NRG1: variants seen among roughly 807,000 people sequenced by gnomAD.
The protein encoded by NRG1 is pro-neuregulin-1, membrane-bound isoform.
In NRG1, 18 loss-of-function variants were observed where a neutral mutation model predicts 63.8. The observed-to-expected ratio is 0.28, with a 90% CI of 0.19 to 0.42. The LOEUF (loss-of-function observed/expected upper bound fraction) is 0.42. NRG1 is among the 10% of genes least tolerant of loss of function. The probability of loss-of-function intolerance (pLI) is 1.00; values close to 1 mark genes in which losing one functional copy is unlikely to be tolerated. For missense variants in NRG1, 762 were observed against 814.7 expected, an observed-to-expected ratio of 0.94 and a Z score of 0.79; for synonymous variants, 302 against 301.3, an observed-to-expected ratio of 1.00 and a Z score of -0.02.
chr8:31,911,194 C>T (rs1179400846), intron 1 of NRG1, among the ~76,000 whole-genome samples: 1 of 152,068 alleles, frequency 6.6e-6, no homozygotes, highest in African/African-American at 2.4e-5. Flanking sequence ...CAAAGACCTA[C>T]AAACAGAAGT....
At chr8:32,197,609 C>T (rs533059627) in intron 1 of NRG1, among the ~76,000 whole-genome samples, 1 of 152,288 alleles carries the variant, frequency 6.6e-6, no homozygotes, top group African/African-American at 2.4e-5. Flanking sequence ...TCAGTTTTAA[C>T]CTTTCAGAAG....
intron 1 of NRG1, among the ~76,000 whole-genome samples, chr8:31,808,145 A>AT (rs956736833): frequency 2.6e-4 from 39 of 151,718 alleles, no homozygotes; most frequent in African/African-American, 8.5e-4. Context: ...CAATTTTATG[A>AT]TTTTTTTGCT....
At chr8:31,797,806 GAATA>G (rs554219262) in intron 1 of NRG1, among the ~76,000 whole-genome samples, 71 of 152,258 alleles carry the variant, frequency 4.7e-4, no homozygotes, top group Non-Finnish European at 9.1e-4. Context: ...AAGCATGAAT[GAATA>G]AAGAAAATGT....
At chr8:31,803,319 TG>T (rs1304902175) in intron 1 of NRG1, among the ~76,000 whole-genome samples, 1 of 152,176 alleles carries the variant, frequency 6.6e-6, no homozygotes, top group African/African-American at 2.4e-5. Context: ...AACTCTTGTT[TG>T]GGGCTGGGAA....
At position 32,157,639 on chromosome 8, in the gene NRG1, T is replaced by C. The variant is rs964780820; in HGVS notation, c.38-438189T>C. ...GTGCCATTGCATAATGGAGTGAAAC[T>C]CCATCTCAAAATATATATATTTTTA... On this transcript the variant is annotated intron_variant, in intron 1 of 10. Coordinates refer to the NRG1 transcript ENST00000519301. 6.0e-5 allele frequency among the ~76,000 whole-genome samples: 9 copies of C among 150,262 alleles called. No homozygotes were observed. In the East Asian group the frequency reaches 1.6e-3, roughly 26 times the overall value.
intron 1 of NRG1, among the ~76,000 whole-genome samples, chr8:31,658,390 AT>A (rs1212880113): frequency 6.6e-6 from 1 of 152,158 alleles, no homozygotes; most frequent in East Asian, 1.9e-4. Flanking sequence ...AATGAGAATG[AT>A]GTGTCTCTCT....
intron 1 of NRG1, among the ~76,000 whole-genome samples, chr8:31,730,318 C>A (rs1023376601): frequency 6.6e-6 from 1 of 152,056 alleles, no homozygotes; most frequent in Non-Finnish European, 1.5e-5. Context: ...TGCGTGTGGA[C>A]CCATATGCCT....
chr8:32,008,428 G>GA lies in NRG1; in HGVS notation c.37+369005dup, dbSNP rs1814153020. On this transcript the variant is annotated intron_variant, in intron 1 of 10. Transcript: ENST00000519301. ...AGCACTTCTTCTTTGCCACTGCTAG[G>GA]AAAAAAAATTGCTTTGCTTGGAAAT... Among the ~76,000 whole-genome samples, 4 of 151,738 alleles carry GA rather than the reference G, an allele frequency of 2.6e-5. No individual in the cohort carries two copies. The South Asian group carries it at 8.3e-4, about 32-fold the overall frequency.
intron 5 of NRG1, among the ~76,000 whole-genome samples, chr8:32,635,531 T>A (rs190799636): frequency 1.2e-3 from 189 of 151,692 alleles, no homozygotes; most frequent in Middle Eastern, 3.5e-3. Flanking sequence ...ATTCAAGCAT[T>A]TAGCCCTGAT....
intron 1 of NRG1, among the ~76,000 whole-genome samples, chr8:32,407,307 T>A: frequency 6.5e-4 from 2 of 3,086 alleles, no homozygotes; most frequent in Admixed American, 5.9e-3. Context: ...TATATATATA[T>A]ATATATATAT....
chr8:32,593,619 AC>A (rs1842868592), intron 1 of NRG1, among the ~76,000 whole-genome samples: 1 of 151,704 alleles, frequency 6.6e-6, no homozygotes, highest in Admixed American at 6.6e-5. Flanking sequence ...ATGCCACTGC[AC>A]TCCAGCCTGT....
intron 1 of NRG1, among the ~76,000 whole-genome samples, chr8:31,952,278 G>A (rs1002222176): frequency 1.4e-4 from 22 of 152,204 alleles, no homozygotes; most frequent in Admixed American, 5.2e-4. Context: ...ACAGATGGGC[G>A]TGTAAAGAAC....
At chr8:32,161,208 T>A (rs1259298426) in intron 1 of NRG1, among the ~76,000 whole-genome samples, 1 of 152,080 alleles carries the variant, frequency 6.6e-6, no homozygotes, top group Non-Finnish European at 1.5e-5. Flanking sequence ...CTGTAATCAA[T>A]TAGCTGACAT....
chr8:31,812,724 T>C (rs907092672), intron 1 of NRG1, among the ~76,000 whole-genome samples: 2 of 151,910 alleles, frequency 1.3e-5, no homozygotes, highest in Non-Finnish European at 2.9e-5. Flanking sequence ...TCAGGTGCTT[T>C]ATCTCTTAAG....
At chr8:32,205,284 G>C (rs1457592456) in intron 1 of NRG1, among the ~76,000 whole-genome samples, 1 of 152,118 alleles carries the variant, frequency 6.6e-6, no homozygotes, top group Non-Finnish European at 1.5e-5. Context: ...CCCAATACGT[G>C]TTACTTAAAG....
intron 5 of NRG1, among the ~76,000 whole-genome samples, chr8:32,706,242 C>T (rs1030424436): frequency 6.6e-5 from 10 of 152,210 alleles, no homozygotes; most frequent in African/African-American, 9.6e-5. Context: ...TGAAGCTTTA[C>T]GGAGGATTTT....
At chr8:32,269,585 T>C (rs1051400635) in intron 1 of NRG1, among the ~76,000 whole-genome samples, 6 of 152,084 alleles carry the variant, frequency 3.9e-5, no homozygotes, top group Non-Finnish European at 4.4e-5. Flanking sequence ...ACTGGGAAAT[T>C]CCAGAATTCT....
intron 1 of NRG1, among the ~76,000 whole-genome samples, chr8:32,027,466 T>TTGCTTCCCTCCCTCCCTCCC (rs1817617147): frequency 1.6e-5 from 1 of 60,860 alleles, no homozygotes; most frequent in African/African-American, 8.0e-5. Context: ...CCTTCCTTCC[T>TTGCTTCCCTCCCTCCCTCCC]TCCCTCCCTC....
At chr8:32,036,291 G>C (rs1819045277) in intron 1 of NRG1, among the ~76,000 whole-genome samples, 1 of 152,126 alleles carries the variant, frequency 6.6e-6, no homozygotes, top group Admixed American at 6.5e-5. Flanking sequence ...TTTCTGCTGA[G>C]AGGTCTGCTG....
Sources: gnomAD v4.1 joint callset for allele counts (sites outside exome capture counted in the v4.1 genomes callset) on GRCh38, gnomAD v4.1.1 for gene constraint, MANE v1.5 for transcripts, NCBI Gene and HGNC (gene_info 2026-07-23, HGNC 2026-07-21) for gene names.